XPO4: variants seen among roughly 807,000 people sequenced by gnomAD.
The protein encoded by XPO4 is exportin-4.
Under a neutral mutation model 143.0 loss-of-function variants are expected in XPO4, and 39 were observed. The ratio of observed to expected loss-of-function variants is 0.27; its 90% CI spans 0.21 to 0.36. The LOEUF is 0.36. Among genes scored for constraint, XPO4 ranks in the 10% least tolerant of loss-of-function variants. XPO4 has a pLI of 1.00. For synonymous variants in XPO4, 439 were observed against 474.0 expected (o/e 0.93, Z 0.96); for missense variants, 907 against 1,348.0 (o/e 0.67, Z 5.12).
At chr13:20,849,472 T>A in intron 4 of XPO4, 4 of 984,412 alleles carry the variant, frequency 4.1e-6, no homozygotes, top group Non-Finnish European at 3.6e-6. Flanking sequence ...AGATTAAAAT[T>A]TTAGCTTAAA....
At chr13:20,804,135 ATACAC>A (rs971944121) in intron 13 of XPO4, among the ~76,000 whole-genome samples, 10 of 130,790 alleles carry the variant, frequency 7.6e-5, no homozygotes, top group Non-Finnish European at 1.4e-4. Flanking sequence ...CTATATATAC[ATACAC>A]TATATATATA....
chr13:20,783,861 T>C lies in XPO4; in HGVS notation c.3317A>G (p.Tyr1106Cys). 1 of 1,614,212 alleles carries C rather than the reference T, an allele frequency of 6.2e-7. No homozygotes were observed. Among genetic ancestry groups the C allele is most frequent in the Non-Finnish European group, 8.5e-7 (1 of 1,180,034 alleles). The change falls in exon 23 of 23, where the codon TAC becomes TGC. Residue 1106 changes from tyrosine to cysteine, a missense_variant. Physicochemically the swap from Tyr to Cys is radical, Grantham distance 194. Coordinates refer to ENST00000255305, the MANE Select transcript of XPO4 (RefSeq NM_022459.5). ...GTTGAAGGCATCTGCTAATCTCTGG[T>C]AAATAACTGGGTCTTGCTGACTTGA... ...LLSSQQDPVI[Y>C]QRLADAFNKL...
At chr13:20,852,644 T>C (rs1740490502) in intron 4 of XPO4, 1 of 963,204 alleles carries the variant, frequency 1.0e-6, no homozygotes, top group Non-Finnish European at 1.2e-6. Context: ...TTATAACATT[T>C]AAATAATGAT....
intron 1 of XPO4, among the ~76,000 whole-genome samples, chr13:20,870,960 G>A (rs970305270): frequency 4.6e-5 from 7 of 151,764 alleles, no homozygotes; most frequent in Non-Finnish European, 8.8e-5. Flanking sequence ...ACAGGCATGC[G>A]CCAAGCCCAG....
intron 9 of XPO4, among the ~76,000 whole-genome samples, chr13:20,819,622 C>T (rs189985942): frequency 9.9e-4 from 150 of 151,976 alleles, no homozygotes; most frequent in Non-Finnish European, 6.0e-4. Context: ...ACCGTGCCAT[C>T]GCAGTCCAGC....
At chr13:20,902,117 C>CCCCT (rs1197011809) in intron 1 of XPO4, 3 of 985,244 alleles carry the variant, frequency 3.0e-6, no homozygotes, top group Non-Finnish European at 3.6e-6. Flanking sequence ...CTCAACGATT[C>CCCCT]CCCTCCCTCC....
intron 6 of XPO4, among the ~76,000 whole-genome samples, chr13:20,832,485 A>C (rs1002517543): frequency 6.6e-6 from 1 of 152,210 alleles, no homozygotes; most frequent in Admixed American, 6.5e-5. Flanking sequence ...GCCTATTCTT[A>C]TAATTACTTT....
intron 1 of XPO4, among the ~76,000 whole-genome samples, chr13:20,870,272 T>C (rs1311407798): frequency 6.8e-6 from 1 of 148,132 alleles, no homozygotes; most frequent in South Asian, 2.1e-4. Flanking sequence ...CTACTAAAAA[T>C]ACAAAAAAAT....
chr13:20,823,453 T>G (rs2059744594), intron 7 of XPO4, among the ~76,000 whole-genome samples: 1 of 152,188 alleles, frequency 6.6e-6, no homozygotes, highest in South Asian at 2.1e-4. Context: ...CAAAGTTAGT[T>G]GATTTACTGA....
intron 1 of XPO4, among the ~76,000 whole-genome samples, chr13:20,873,753 G>T (rs937055402): frequency 6.6e-6 from 1 of 152,012 alleles, no homozygotes; most frequent in East Asian, 1.9e-4. Flanking sequence ...GCCTCAGCTC[G>T]TCTAGTAGCT....
chr13:20,842,993 C>T lies in XPO4; in HGVS notation c.629G>A (p.Ser210Asn). 6.2e-7 allele frequency: 1 copy of T among 1,613,392 alleles called. No homozygotes were observed. Among genetic ancestry groups the T allele is most frequent in the South Asian group, 1.1e-5 (1 of 91,002 alleles). ...MLTVEVLQEF[S>N]RRENLNAQMS... Reference sequence around the variant, plus strand: ...CTGAGCATTGAGGTTTTCCCGCCTGCTGAACTCCTGCAGAACTTCAACAGT... The same window carrying T: ...CTGAGCATTGAGGTTTTCCCGCCTGTTGAACTCCTGCAGAACTTCAACAGT... Residue 210 changes from serine to asparagine, a missense_variant, in exon 6 of 23, where the codon AGC (serine) becomes AAC (asparagine). Transcript: ENST00000255305.
intron 2 of XPO4, 176 bp downstream of exon 2, chr13:20,868,420 C>A: frequency 9.7e-7 from 1 of 1,026,940 alleles, no homozygotes; most frequent in Non-Finnish European, 1.3e-6. Flanking sequence ...CAAAGTTTCC[C>A]GTCTGGCTTT....
In XPO4 at chr13:20,870,725, G is replaced by C. The variant is rs148141807; in HGVS notation, c.70-2024C>G. Among the ~76,000 whole-genome samples, 111 of 121,880 alleles carry C rather than the reference G, an allele frequency of 9.1e-4. 2 individuals are homozygous for C. The East Asian group carries it at 0.019, about 21-fold the overall frequency. The allele number at this position is 121,880 out of a possible 152,430, so 80.0% of individuals were successfully genotyped here. A position where few individuals can be genotyped will look rare whatever the true frequency, so the allele number is the denominator to read the frequency against. ...AGCCTAGGTGACAGAGTAAGACTCT[G>C]CCTCAAAAAAAAAAAAAACTGAACA... On this transcript the variant is annotated intron_variant, in intron 1 of 22. Transcript: ENST00000255305.
intron 15 of XPO4, among the ~76,000 whole-genome samples, chr13:20,799,694 CAAT>C (rs1327308036): frequency 6.6e-6 from 1 of 152,092 alleles, no homozygotes; most frequent in East Asian, 1.9e-4. Context: ...ATAAACCAGA[CAAT>C]GACAATGGTA....
chr13:20,810,258 A>G (rs1021664074), intron 9 of XPO4, among the ~76,000 whole-genome samples: 2 of 151,316 alleles, frequency 1.3e-5, no homozygotes, highest in Non-Finnish European at 2.9e-5. Context: ...TTGTTAAAAT[A>G]AAAAAAAATG....
At position 20,836,090 on chromosome 13, in the gene XPO4, G is replaced by A. The variant is rs534045417; in HGVS notation, c.727+6805C>T. On this transcript the variant is annotated intron_variant, in intron 6 of 22. Coordinates refer to ENST00000255305, the MANE Select transcript of XPO4 (RefSeq NM_022459.5). Reference sequence around the variant, plus strand: ...GGCAACAGTAAGCTATTAGTAAAACGTTCTGGGGAGTAAAAAGTTATACTG... The same window carrying A: ...GGCAACAGTAAGCTATTAGTAAAACATTCTGGGGAGTAAAAAGTTATACTG... Among the ~76,000 whole-genome samples, 34 of 152,180 alleles carry A rather than the reference G, an allele frequency of 2.2e-4. 1 individual carries two copies. In the South Asian group the frequency reaches 7.1e-3, roughly 32 times the overall value.
At chr13:20,798,004 C>A (rs550608977) in intron 16 of XPO4, among the ~76,000 whole-genome samples, 1 of 152,118 alleles carries the variant, frequency 6.6e-6, no homozygotes, top group South Asian at 2.1e-4. Context: ...ATTAGCCAGG[C>A]ATGGTGGTGC....
At chr13:20,848,789 T>C in intron 4 of XPO4, 3 of 985,282 alleles carry the variant, frequency 3.0e-6, no homozygotes, top group Non-Finnish European at 3.6e-6. Flanking sequence ...TGTTCCCTAT[T>C]TTTTGGTTGT....
intron 6 of XPO4, among the ~76,000 whole-genome samples, chr13:20,827,736 G>T (rs1241309258): frequency 6.6e-6 from 1 of 152,050 alleles, no homozygotes; most frequent in East Asian, 1.9e-4. Context: ...TCAAGACAAA[G>T]AAATAATCTA....
Sources: gnomAD v4.1 joint callset for allele counts (sites outside exome capture counted in the v4.1 genomes callset) on GRCh38, gnomAD v4.1.1 for gene constraint, MANE v1.5 for transcripts, NCBI Gene and HGNC (gene_info 2026-07-23, HGNC 2026-07-21) for gene names.